Variants in STRN4 observed in about 807,000 individuals in gnomAD.
STRN4 encodes striatin-4.
STRN4 carries 27 observed loss-of-function variants against 77.9 expected under a neutral mutation model. That is an observed-to-expected ratio of 0.35 (90% CI 0.26 to 0.48). STRN4 has a LOEUF of 0.48. Among genes scored for constraint, STRN4 ranks in the 20% least tolerant of loss-of-function variants. The pLI is 0.99. For missense variants in STRN4, 798 were observed against 1,049.7 expected (o/e 0.76, Z 3.31); for synonymous variants, 466 against 443.1 (o/e 1.05, Z -0.65).
rs1213531919 is a variant in STRN4 at position 46,741,282 on chromosome 19, G to A, written c.283-2394C>T. Among the ~76,000 whole-genome samples the A allele has an allele frequency of 6.6e-6, 1 of 152,176 alleles. No individual in the cohort carries two copies. The highest frequency in any genetic ancestry group is 2.4e-5 in the African/African-American group (1 of 41,452). The stretch of plus-strand genomic sequence containing the variant: ...GGTCTATCTGTGGGGGCAGGAGGTG[G>A]AGTTGGGCATCCCAACCAGACCTGT... On this transcript the variant is annotated intron_variant, in intron 1 of 17. Transcript: ENST00000263280. This position sits in a 1 kb window ranked among gnomAD's most constrained non-coding sequence, Gnocchi z 4.9.
Position 46,733,637 on chromosome 19 carries a change from T to C in STRN4, c.540-401A>G, listed in dbSNP as rs1197490824. ...AGTTCTATGATCCACATGATGCCAA[T>C]GTTTGTAGAAAAAAACAAAAAGGCG... On this transcript the variant is annotated intron_variant, in intron 4 of 17. Transcript: ENST00000263280. The surrounding 1 kb of genome is among the most constrained non-coding windows in gnomAD (Gnocchi z 4.3). Among the ~76,000 whole-genome samples the C allele has an allele frequency of 2.0e-5, 3 of 152,156 alleles. No individual in the cohort carries two copies. The highest frequency in any genetic ancestry group is 2.1e-4 in the South Asian group (1 of 4,832).
chr19:46,732,969 A>C, intron 5 of STRN4, 70 bp downstream of exon 5: 1 of 1,533,856 alleles, frequency 6.5e-7, no homozygotes. Context: ...ATCAGCTGAC[A>C]CTCTGACCCT....
At chr19:46,725,776 T>C in intron 9 of STRN4, 128 bp from the exon 10 acceptor site, 2 of 1,244,034 alleles carry the variant, frequency 1.6e-6, no homozygotes, top group Non-Finnish European at 2.2e-6. Flanking sequence ...CCTCAGAGCC[T>C]GGGCTCCAGC....
intron 1 of STRN4, among the ~76,000 whole-genome samples, chr19:46,745,339 C>G (rs890052488): frequency 3.9e-5 from 6 of 152,148 alleles, no homozygotes; most frequent in Non-Finnish European, 2.9e-5. Context: ...CTGCTCTGTC[C>G]ACACTTCCAC....
Position 46,727,962 on chromosome 19 carries a change from T to C in STRN4, c.1085A>G (p.Asp362Gly). 1 of 1,613,882 alleles carries C rather than the reference T, an allele frequency of 6.2e-7. No individual in the cohort carries two copies. Among genetic ancestry groups the C allele is most frequent in the Non-Finnish European group, 8.5e-7 (1 of 1,179,896 alleles). ...KLQGILADLRDVDGLPPKVTG... is the reference protein window; with the variant it reads ...KLQGILADLRGVDGLPPKVTG... The stretch of plus-strand genomic sequence containing the variant: ...CACTTTTGGGGGCAGCCCATCCACA[T>C]CCCGCAGGTCAGCCAGAATGCCTTG... Residue 362 changes from aspartate (D) to glycine (G), a missense_variant, in exon 8 of 18, where the codon GAT (aspartate) becomes GGT (glycine). This residue lies in a region of STRN4 where 511 missense variants were observed against 575.9 expected (regional missense o/e 0.89). Transcript: ENST00000263280.
At chr19:46,736,782 C>G in intron 4 of STRN4, 41 bp downstream of exon 4, 7 of 1,597,012 alleles carry the variant, frequency 4.4e-6, no homozygotes, top group Middle Eastern at 1.7e-4. Context: ...TCAAGCCAAA[C>G]GTGTCACGTG....
In STRN4 at chr19:46,746,242, C is replaced by A; in HGVS notation, c.189G>T (p.Leu63=). Residue 63 remains leucine, a synonymous_variant, in exon 1 of 18, where the codon CTG becomes CTT. Coordinates refer to ENST00000263280, the MANE Select transcript of STRN4 (RefSeq NM_013403.3). ...TAAAGTGCAGGATCCCCGGCAGGCT[C>A]AGGGGCTCCGGGCCCGCCGTGGGCC... The part of the protein sequence containing the change: ...SPGPTAGPEP[L]SLPGILHFIQ... 6.6e-7 allele frequency: 1 copy of A among 1,509,646 alleles called. No homozygotes were observed. The highest frequency in any genetic ancestry group is 2.8e-5 in the East Asian group (1 of 35,306). The allele number at this position is 1,509,646 out of a possible 1,614,324, so 93.5% of individuals were successfully genotyped here.
chr19:46,727,988 G>A lies in STRN4; in HGVS notation c.1059C>T (p.Leu353=). The change falls in exon 8 of 18, where the codon CTC becomes CTT. Residue 353 remains leucine, a synonymous_variant. Coordinates refer to ENST00000263280, the MANE Select transcript of STRN4 (RefSeq NM_013403.3). ...PHELESRRVK[L]QGILADLRDV... is the part of the protein sequence containing the mutation. ...CCCGCAGGTCAGCCAGAATGCCTTG[G>A]AGTTTGACCCGACGGCTTTCTGCAG... 1.9e-6 allele frequency: 3 copies of A among 1,614,058 alleles called. No homozygotes were observed. Among genetic ancestry groups the A allele is most frequent in the South Asian group, 2.2e-5 (2 of 91,072 alleles).
rs981937366 is a variant in STRN4, at chr19:46,741,538, C to T, written c.283-2650G>A. 1.3e-5 allele frequency among the ~76,000 whole-genome samples: 2 copies of T among 152,216 alleles called. No individual in the cohort carries two copies. Among genetic ancestry groups the T allele is most frequent in the African/African-American group, 2.4e-5 (1 of 41,460 alleles). ...TCTCCCTCGCTGCAAACGCCAGCAG[C>T]CCCCACGGGCTGTCTGGTCTGCGAG... On this transcript the variant is annotated intron_variant, in intron 1 of 17. Coordinates refer to ENST00000263280, the MANE Select transcript of STRN4 (RefSeq NM_013403.3). The surrounding 1 kb of genome is among the most constrained non-coding windows in gnomAD (Gnocchi z 4.9).
chr19:46,744,614 G>C (rs530634664), intron 1 of STRN4, among the ~76,000 whole-genome samples: 1 of 152,084 alleles, frequency 6.6e-6, no homozygotes, highest in East Asian at 1.9e-4. Flanking sequence ...CGAACTCCTG[G>C]GCTCAAGGGA....
At chr19:46,746,032 C>G (rs2054587963) in intron 1 of STRN4, 117 bp downstream of exon 1, 26 of 1,193,340 alleles carry the variant, frequency 2.2e-5, no homozygotes, top group Non-Finnish European at 2.4e-5. Flanking sequence ...TCCCCTCCCG[C>G]CCCCCCGCCG....
In STRN4 at chr19:46,730,744, C is replaced by G. The variant is rs776928290; in HGVS notation, c.867G>C (p.Lys289Asn). Residue 289 changes from lysine to asparagine, a missense_variant, in exon 6 of 18, where the codon AAG becomes AAC. By Grantham distance (94) the Lys-to-Asn change is moderately conservative. Transcript: ENST00000263280. Reference sequence around the variant, plus strand: ...AGGAAGGGCTCACCTTCACACGCTGCTTCTTGTGCTGCACGCTGTCCAGCT... The same window carrying G: ...AGGAAGGGCTCACCTTCACACGCTGGTTCTTGTGCTGCACGCTGTCCAGCT... ...DDELDSVQHKKQRVKLPSKAL... is the reference protein window; with the variant it reads ...DDELDSVQHKNQRVKLPSKAL... 1.2e-6 allele frequency: 2 copies of G among 1,612,222 alleles called. No homozygotes were observed. The highest frequency in any genetic ancestry group is 2.7e-5 in the African/African-American group (2 of 74,920).
chr19:46,746,034 C>T, intron 1 of STRN4, 115 bp downstream of exon 1: 1 of 1,219,654 alleles, frequency 8.2e-7, no homozygotes, highest in Non-Finnish European at 1.0e-6. Flanking sequence ...CCCTCCCGCC[C>T]CCCCGCCGGC....
chr19:46,721,809 C>A, intron 16 of STRN4, 177 bp downstream of exon 16: 1 of 618,214 alleles, frequency 1.6e-6, no homozygotes, highest in Non-Finnish European at 2.8e-6. Flanking sequence ...TCCAGTGACC[C>A]AGAGGAGGGC....
intron 16 of STRN4, chr19:46,721,695 T>C (rs2053980691): frequency 2.6e-6 from 1 of 379,774 alleles, no homozygotes; most frequent in Non-Finnish European, 5.0e-6. Flanking sequence ...AGAGCTTCAA[T>C]GGCCAAGTTA....
intron 12 of STRN4, among the ~76,000 whole-genome samples, chr19:46,724,594 A>G (rs1399358670): frequency 6.6e-6 from 1 of 151,820 alleles, no homozygotes; most frequent in Non-Finnish European, 1.5e-5. Context: ...CAGCTTCACC[A>G]CCTCCTCCCA....
At chr19:46,725,725 AG>A (rs1198213183) in intron 9 of STRN4, 77 bp from the exon 10 acceptor site, 25 of 1,545,240 alleles carry the variant, frequency 1.6e-5, no homozygotes, top group African/African-American at 6.8e-5. Context: ...CCAGGGCTTG[AG>A]GGCCCCTGTC....
chr19:46,722,986 C>T lies in STRN4; in HGVS notation c.1766-36G>A, dbSNP rs369030922. 23 of 1,610,470 alleles carry T rather than the reference C, an allele frequency of 1.4e-5. No homozygotes were observed. In the African/African-American group the frequency reaches 2.8e-4, roughly 20 times the overall value. ...AGGGAAGAGAAGGCTGCTGAATGGA[C>T]CCTCAGACCCAGCCCTGCCCCAGGG... On this transcript the variant is annotated intron_variant, in intron 13 of 17. Coordinates refer to ENST00000263280, the MANE Select transcript of STRN4 (RefSeq NM_013403.3).
intron 9 of STRN4, among the ~76,000 whole-genome samples, chr19:46,726,759 T>A (rs1723070907): frequency 6.6e-6 from 1 of 152,240 alleles, no homozygotes; most frequent in African/African-American, 2.4e-5. Flanking sequence ...CTGACGTCCC[T>A]GCCTTAGCTG....
Sources: gnomAD v4.1 joint callset for allele counts (sites outside exome capture counted in the v4.1 genomes callset) on GRCh38, gnomAD v4.1.1 for gene constraint, gnomAD v4.1.1 regional missense constraint, Gnocchi (gnomAD v3.1) non-coding constraint, MANE v1.5 for transcripts, NCBI Gene and HGNC (gene_info 2026-07-23, HGNC 2026-07-21) for gene names.